The following DNAH11 variants were observed in gnomAD, a reference collection of about 807,000 sequenced individuals.
DNAH11 encodes axonemal beta dynein heavy chain 11.
Under a neutral mutation model 526.0 loss-of-function variants are expected in DNAH11, and 442 were observed. That is an observed-to-expected ratio of 0.84 (90% CI 0.78 to 0.91). The LOEUF (loss-of-function observed/expected upper bound fraction) is 0.91, where lower values mean the gene tolerates loss of function less well. Among genes scored for constraint, DNAH11 ranks in the 40% least tolerant of loss-of-function variants. The pLI, the probability that DNAH11 is intolerant of heterozygous loss-of-function variation, is 0.00. For missense variants in DNAH11, 6,989 were observed against 5,448.7 expected, an observed-to-expected ratio of 1.28 and a Z score of -8.90; for synonymous variants, 2,461 against 1,935.9, an observed-to-expected ratio of 1.27 and a Z score of -7.12.
chr7:21,632,995 A>G (rs112259153), intron 25 of DNAH11, among the ~76,000 whole-genome samples: 10,355 of 152,300 alleles, frequency 0.068, 393 homozygotes, highest in South Asian at 0.11. Context: ...AGGCCTCACA[A>G]TCATGGTGGA....
At chr7:21,800,927 C>G (rs1261468086) in intron 61 of DNAH11, among the ~76,000 whole-genome samples, 2 of 152,142 alleles carry the variant, frequency 1.3e-5, no homozygotes. Flanking sequence ...AAGACCACAT[C>G]GTGAACTGTT....
At chr7:21,699,956 G>C (rs1783992283) in intron 36 of DNAH11, among the ~76,000 whole-genome samples, 1 of 151,956 alleles carries the variant, frequency 6.6e-6, no homozygotes, top group Admixed American at 6.6e-5. Flanking sequence ...ATAAAAATTG[G>C]GAGACAATGG....
intron 76 of DNAH11, among the ~76,000 whole-genome samples, chr7:21,886,322 G>C (rs1583812444): frequency 6.6e-6 from 1 of 151,998 alleles, no homozygotes; most frequent in East Asian, 1.9e-4. Flanking sequence ...AAATACACCA[G>C]GAAAACATAG....
chr7:21,638,899 A>G, intron 27 of DNAH11, 40 bp from the exon 28 acceptor site: 1 of 1,571,732 alleles, frequency 6.4e-7, no homozygotes, highest in African/African-American at 1.4e-5. Flanking sequence ...TAATGACTGA[A>G]GGGACAAGAT....
intron 39 of DNAH11, among the ~76,000 whole-genome samples, chr7:21,705,886 C>A (rs1784244078): frequency 6.6e-6 from 1 of 152,106 alleles, no homozygotes; most frequent in Non-Finnish European, 1.5e-5. Flanking sequence ...TGCTTGGATT[C>A]TTTTATCAAA....
chr7:21,689,827 T>C (rs1338548806), intron 34 of DNAH11, among the ~76,000 whole-genome samples: 1 of 152,202 alleles, frequency 6.6e-6, no homozygotes, highest in Non-Finnish European at 1.5e-5. Context: ...CTCTCAGCAA[T>C]GCAAGAGATC....
intron 43 of DNAH11, among the ~76,000 whole-genome samples, chr7:21,720,440 TG>T (rs1339547136): frequency 3.3e-5 from 5 of 151,872 alleles, no homozygotes; most frequent in Non-Finnish European, 5.9e-5. Context: ...TTTTTTTTTT[TG>T]CTTATGTGTG....
At chr7:21,675,305 TTC>T (rs1208940868) in intron 30 of DNAH11, among the ~76,000 whole-genome samples, 1 of 152,190 alleles carries the variant, frequency 6.6e-6, no homozygotes, top group Non-Finnish European at 1.5e-5. Context: ...CTTTCAGTTT[TTC>T]CACAGAGCCA....
chr7:21,898,528 G>C (rs1784613019), intron 79 of DNAH11, among the ~76,000 whole-genome samples: 1 of 152,190 alleles, frequency 6.6e-6, no homozygotes, highest in Non-Finnish European at 1.5e-5. Context: ...TCCTTCTAGA[G>C]AACTCTGGCT....
intron 55 of DNAH11, among the ~76,000 whole-genome samples, chr7:21,771,789 C>T (rs1044449903): frequency 2.0e-5 from 3 of 152,010 alleles, no homozygotes; most frequent in Admixed American, 6.5e-5. Flanking sequence ...TACAGCATTG[C>T]GTAGCCCTCG....
At chr7:21,860,977 C>A (rs1783042511) in intron 68 of DNAH11, among the ~76,000 whole-genome samples, 1 of 152,100 alleles carries the variant, frequency 6.6e-6, no homozygotes. Context: ...GAGAAACTGC[C>A]CCCATGATTC....
rs1554271439 is a variant in DNAH11, at chr7:21,704,630, T to TA, written c.6468+6dup. On this transcript the variant is annotated splice_region_variant and intron_variant, in intron 38 of 81. Coordinates refer to ENST00000409508, the MANE Select transcript of DNAH11 (RefSeq NM_001277115.2). ...CCTGAAGAGAGCTTCATCCTCAAAG[T>TA]AAAAGGAGCATTTGCTTTTCATGGC... The TA allele has an allele frequency of 1.3e-6, 2 of 1,587,026 alleles. No homozygotes were observed. Among genetic ancestry groups the TA allele is most frequent in the Non-Finnish European group, 1.7e-6 (2 of 1,172,706 alleles).
At chr7:21,626,928 T>G in intron 25 of DNAH11, among the ~76,000 whole-genome samples, 1 of 151,864 alleles carries the variant, frequency 6.6e-6, no homozygotes, top group East Asian at 1.9e-4. Flanking sequence ...TTTTTTGTAT[T>G]TTTAGTAGAG....
At chr7:21,898,480 A>T (rs1784611865) in intron 79 of DNAH11, among the ~76,000 whole-genome samples, 1 of 152,146 alleles carries the variant, frequency 6.6e-6, no homozygotes, top group African/African-American at 2.4e-5. Context: ...TGCATATCTG[A>T]AGCAGACAAG....
chr7:21,787,391 T>G lies in DNAH11; in HGVS notation c.9742-10T>G. The G allele has an allele frequency of 6.3e-7, 1 of 1,596,774 alleles. No homozygotes were observed. Among genetic ancestry groups the G allele is most frequent in the Non-Finnish European group, 8.5e-7 (1 of 1,171,772 alleles). On this transcript the variant is annotated splice_polypyrimidine_tract_variant and intron_variant, in intron 59 of 81. Transcript: ENST00000409508. The stretch of plus-strand genomic sequence containing the variant: ...ATGGGTTCATTGCAATAAATCTTTT[T>G]GCTTTGCAGGTTGATGATTTTTTGC...
chr7:21,567,200 T>C (rs1205007365), intron 6 of DNAH11, among the ~76,000 whole-genome samples: 1 of 152,160 alleles, frequency 6.6e-6, no homozygotes, highest in Non-Finnish European at 1.5e-5. Context: ...TTAAAAAAAT[T>C]TGGGGTCATT....
In DNAH11 at chr7:21,636,013, G is replaced by A; in HGVS notation, c.4643G>A (p.Ser1548Asn). ...EVQRTWSHLE[S>N]IFVCSEDIRI... ...CAGCGAACTTGGTCTCACCTGGAAAGCATTTTTGTCTGTTCAGAAGATATT... is the reference window on the plus strand; with the variant it reads ...CAGCGAACTTGGTCTCACCTGGAAAACATTTTTGTCTGTTCAGAAGATATT... The change falls in exon 26 of 82, where the codon AGC (serine) becomes AAC (asparagine). Residue 1548 changes from serine (S) to asparagine (N), a missense_variant. By Grantham distance (46) the Ser-to-Asn change is conservative. Coordinates refer to ENST00000409508, the MANE Select transcript of DNAH11 (RefSeq NM_001277115.2). 6.2e-7 allele frequency: 1 copy of A among 1,613,740 alleles called. No homozygotes were observed. Among genetic ancestry groups the A allele is most frequent in the Non-Finnish European group, 8.5e-7 (1 of 1,179,800 alleles).
intron 44 of DNAH11, among the ~76,000 whole-genome samples, chr7:21,722,694 G>C (rs1455752893): frequency 6.6e-6 from 1 of 152,130 alleles, no homozygotes; most frequent in African/African-American, 2.4e-5. Flanking sequence ...TACTGTGTGA[G>C]AGTCAAGTGT....
chr7:21,738,979 A>G, intron 47 of DNAH11, 113 bp downstream of exon 47: 2 of 1,096,126 alleles, frequency 1.8e-6, no homozygotes, highest in Non-Finnish European at 1.2e-6. Flanking sequence ...ATTATTATGG[A>G]TGAATTCAAG....
Sources: allele counts gnomAD v4.1 joint callset (sites outside exome capture counted in the v4.1 genomes callset), GRCh38; gene constraint gnomAD v4.1.1; transcripts MANE v1.5; gene names NCBI Gene and HGNC (gene_info 2026-07-23, HGNC 2026-07-21).